ENO4: variants seen among roughly 807,000 people sequenced by gnomAD.
The protein encoded by ENO4 is 2-phospho-D-glycerate hydro-lyase.
A neutral mutation model predicts 63.2 loss-of-function variants in ENO4; 53 were observed. The ratio of observed to expected loss-of-function variants is 0.84; its 90% confidence interval spans 0.67 to 1.05. The LOEUF is 1.05. Ranked by LOEUF, ENO4 falls within the 50% of genes least tolerant of loss-of-function variation. The pLI, the probability that ENO4 is intolerant of heterozygous loss-of-function variation, is 0.00. For missense variants in ENO4, 719 were observed against 772.0 expected (o/e 0.93, Z 0.81); for synonymous variants, 266 against 283.8 (o/e 0.94, Z 0.63).
rs766190886 is a variant in ENO4 at position 116,856,519 on chromosome 10, C to G, written c.322C>G (p.His108Asp). 2.0e-6 allele frequency: 3 copies of G among 1,535,780 alleles called. No homozygotes were observed. In the South Asian group the frequency reaches 3.6e-5, roughly 18 times the overall value. ...CGTATGTTCTGTGGTGATCTCGACT[C>G]ATTTTGAAGTCCATGAGAATGCTCT... ...KNVCSVVISTHFEVHENALPE... is the reference protein window; with the variant it reads ...KNVCSVVISTDFEVHENALPE... Residue 108 changes from histidine to aspartate, a missense_variant, in exon 3 of 14, where the codon CAT becomes GAT. This residue lies in a region of ENO4 where 544 missense variants were observed against 583.6 expected (regional missense o/e 0.93). Transcript: ENST00000341276.
At chr10:116,886,274 CA>C (rs368938161), downstream of ENO4, 321 of 1,545,422 alleles carry the variant, frequency 2.1e-4, 3 homozygotes, top group South Asian at 3.0e-3. Context: ...CAGCCCTTGC[CA>C]ATATAACAAC....
chr10:116,881,367 C>T (rs536426808), intron 13 of ENO4, 148 bp from the exon 14 acceptor site: 29 of 584,306 alleles, frequency 5.0e-5, no homozygotes, highest in East Asian at 2.4e-4. Flanking sequence ...ACCAAAGATA[C>T]GCCCAGTTGT....
At chr10:116,853,314 A>T (rs1276744737) in intron 1 of ENO4, among the ~76,000 whole-genome samples, 1 of 150,716 alleles carries the variant, frequency 6.6e-6, no homozygotes. Flanking sequence ...AAAAAAAAAA[A>T]CCAAAGCAGT....
intron 10 of ENO4, among the ~76,000 whole-genome samples, chr10:116,906,201 T>G (rs961827850): frequency 2.0e-5 from 3 of 152,268 alleles, no homozygotes; most frequent in African/African-American, 7.2e-5. Flanking sequence ...CTTTTATTAT[T>G]CTCATTATAT....
chr10:116,878,826 C>T (rs1463893412), intron 11 of ENO4, among the ~76,000 whole-genome samples: 5 of 146,164 alleles, frequency 3.4e-5, no homozygotes, highest in South Asian at 4.3e-4. Flanking sequence ...TCACTGCAAG[C>T]TCTGCCTCCC....
At chr10:116,898,352 G>C (rs1847596006) in intron 10 of ENO4, among the ~76,000 whole-genome samples, 1 of 151,658 alleles carries the variant, frequency 6.6e-6, no homozygotes, top group African/African-American at 2.4e-5. Flanking sequence ...CTATAATTTA[G>C]AATTTTCTCT....
chr10:116,853,737 T>C (rs1424131978), intron 1 of ENO4, among the ~76,000 whole-genome samples: 3 of 152,212 alleles, frequency 2.0e-5, no homozygotes, highest in African/African-American at 7.2e-5. Context: ...ACTTACTCTG[T>C]AACATACAAA....
At chr10:116,902,821 C>T (rs1847799510) in intron 10 of ENO4, among the ~76,000 whole-genome samples, 1 of 152,172 alleles carries the variant, frequency 6.6e-6, no homozygotes, top group Non-Finnish European at 1.5e-5. Flanking sequence ...GTAAGAAGAG[C>T]ACAAAACTTG....
chr10:116,851,893 C>T (rs898269680), intron 1 of ENO4, among the ~76,000 whole-genome samples: 2 of 152,134 alleles, frequency 1.3e-5, no homozygotes, highest in African/African-American at 4.8e-5. Context: ...CACTGAAACA[C>T]TATACCTCCT....
chr10:116,877,692 G>GGGAT (rs1846878542), intron 11 of ENO4, among the ~76,000 whole-genome samples: 1 of 152,152 alleles, frequency 6.6e-6, no homozygotes, highest in Non-Finnish European at 1.5e-5. Context: ...TGGGGATCAG[G>GGGAT]GGATGACAGG....
intron 12 of ENO4, 90 bp downstream of exon 12, chr10:116,879,448 T>C (rs889295320): frequency 1.1e-5 from 11 of 971,212 alleles, no homozygotes; most frequent in African/African-American, 1.6e-5. Context: ...GAGAAAGGCA[T>C]GTAACCTTTT....
intron 10 of ENO4, among the ~76,000 whole-genome samples, chr10:116,897,866 C>T (rs1166406232): frequency 6.6e-6 from 1 of 152,092 alleles, no homozygotes; most frequent in Non-Finnish European, 1.5e-5. Flanking sequence ...GGACAGGCAC[C>T]GGCTTAGAAA....
chr10:116,886,836 C>T (rs1847179589), downstream of ENO4, among the ~76,000 whole-genome samples: 2 of 152,200 alleles, frequency 1.3e-5, no homozygotes, highest in Non-Finnish European at 2.9e-5. Context: ...CACCTACCTG[C>T]TTAATTGCAT....
Position 116,874,209 on chromosome 10 carries a change from C to A in ENO4, c.1341+8C>A. The A allele has an allele frequency of 6.6e-7, 1 of 1,523,610 alleles. No homozygotes were observed. Among genetic ancestry groups the A allele is most frequent in the East Asian group, 2.5e-5 (1 of 40,334 alleles). The allele number at this position is 1,523,610 out of a possible 1,614,324, so 94.4% of individuals were successfully genotyped here. A position where few individuals can be genotyped will look rare whatever the true frequency, so the allele number is the denominator to read the frequency against. ...GATCCTTTCAGGAAGGAGGTAAGCA[C>A]CCCACCTTCCATATTTTATAACATA... On this transcript the variant is annotated splice_region_variant and intron_variant, in intron 10 of 13. Coordinates refer to ENST00000341276, the MANE Select transcript of ENO4 (RefSeq NM_001242699.2).
At position 116,879,905 on chromosome 10, in the gene ENO4, G is replaced by A; in HGVS notation, c.1642G>A (p.Gly548Ser). Residue 548 changes from glycine (G) to serine (S), a missense_variant, in exon 13 of 14, where the codon GGT becomes AGT. Gly to Ser is a moderately conservative substitution (Grantham distance 56, BLOSUM62 0). Transcript: ENST00000341276. ...TGGTGTCCGGTTCATCAAGTTGGGGGGTCTTTCCCGTGGTGAACGAGTGAC... is the reference window on the plus strand; with the variant it reads ...TGGTGTCCGGTTCATCAAGTTGGGGAGTCTTTCCCGTGGTGAACGAGTGAC... Reference protein sequence around the residue: ...GLGVRFIKLGGLSRGERVTKY... With the variant: ...GLGVRFIKLGSLSRGERVTKY... The A allele has an allele frequency of 6.4e-7, 1 of 1,550,414 alleles. No individual in the cohort carries two copies. The highest frequency in any genetic ancestry group is 8.7e-7 in the Non-Finnish European group (1 of 1,146,922).
At chr10:116,886,474 T>C, downstream of ENO4, 2 of 1,614,116 alleles carry the variant, frequency 1.2e-6, no homozygotes, top group Non-Finnish European at 1.7e-6. Flanking sequence ...GGTTTGGGGT[T>C]CATGTGTAGA....
Position 116,881,736 on chromosome 10 carries a change from C to A in ENO4, c.*67C>A. ...GTAGACCGGGAGGTCTGAAGTACGGCGCCGTGTCTCCACATGGAGTTTCCT... is the reference window on the plus strand; with the variant it reads ...GTAGACCGGGAGGTCTGAAGTACGGAGCCGTGTCTCCACATGGAGTTTCCT... On this transcript the variant is annotated 3_prime_UTR_variant, in exon 14 of 14. Transcript: ENST00000341276. 8.2e-7 allele frequency: 1 copy of A among 1,219,136 alleles called. No individual in the cohort carries two copies. The highest frequency in any genetic ancestry group is 1.1e-6 in the Non-Finnish European group (1 of 938,696). The allele number at this position is 1,219,136 out of a possible 1,614,324, so 75.5% of individuals were successfully genotyped here. A position where few individuals can be genotyped will look rare whatever the true frequency, so the allele number is the denominator to read the frequency against.
At chr10:116,896,468 C>T (rs761303735) in intron 10 of ENO4, among the ~76,000 whole-genome samples, 13 of 152,050 alleles carry the variant, frequency 8.5e-5, no homozygotes, top group South Asian at 4.1e-4. Flanking sequence ...CTGTACTGCA[C>T]GACACTCTTT....
Position 116,874,211 on chromosome 10 carries a change from C to A in ENO4, c.1341+10C>A. 6.6e-7 allele frequency: 1 copy of A among 1,522,364 alleles called. No individual in the cohort carries two copies. Among genetic ancestry groups the A allele is most frequent in the South Asian group, 1.2e-5 (1 of 80,676 alleles). The allele number at this position is 1,522,364 out of a possible 1,614,324, so 94.3% of individuals were successfully genotyped here. A position where few individuals can be genotyped will look rare whatever the true frequency, so the allele number is the denominator to read the frequency against. ...TCCTTTCAGGAAGGAGGTAAGCACC[C>A]CACCTTCCATATTTTATAACATATT... On this transcript the variant is annotated intron_variant, in intron 10 of 13. Transcript: ENST00000341276.
Sources: allele counts gnomAD v4.1 joint callset (sites outside exome capture counted in the v4.1 genomes callset), GRCh38; gene constraint gnomAD v4.1.1; regional missense constraint gnomAD v4.1.1; transcripts MANE v1.5; gene names NCBI Gene and HGNC (gene_info 2026-07-23, HGNC 2026-07-21).